MRPL2: variants seen among roughly 807,000 people sequenced by gnomAD.
MRPL2 encodes mitochondrial ribosomal protein L2, also known as large ribosomal subunit protein uL2m.
Under a neutral mutation model 34.6 loss-of-function variants are expected in MRPL2, and 27 were observed. The observed-to-expected ratio is 0.78, with a 90% CI of 0.58 to 1.08. The LOEUF is 1.08. MRPL2 is among the 50% of genes least tolerant of loss of function. The pLI is 0.00. For missense variants in MRPL2, 414 were observed against 419.3 expected (o/e 0.99, Z 0.11); for synonymous variants, 155 against 158.0 (o/e 0.98, Z 0.14).
Position 43,054,306 on chromosome 6 carries a change from C to T in MRPL2, c.886G>A (p.Val296Met), listed in dbSNP as rs777343016. The T allele has an allele frequency of 6.2e-7, 1 of 1,610,814 alleles. No individual in the cohort carries two copies. The highest frequency in any genetic ancestry group is 8.5e-7 in the Non-Finnish European group (1 of 1,178,804). The change falls in exon 7 of 7, where the codon GTG becomes ATG. Residue 296 changes from valine (V) to methionine (M), a missense_variant. Coordinates refer to ENST00000388752, the MANE Select transcript of MRPL2 (RefSeq NM_015950.5). ...IRPLPPMKSYVKLPSASAQS is the reference protein window; with the variant it reads ...IRPLPPMKSYMKLPSASAQS ...TGGGCAGAAGCAGAAGGCAGCTTCA[C>T]GTAACTCTTCATGGGGGGTAGTGGC...
intron 1 of MRPL2, among the ~76,000 whole-genome samples, chr6:43,058,483 C>G (rs144274241): frequency 2.0e-5 from 3 of 152,336 alleles, no homozygotes; most frequent in African/African-American, 7.2e-5. Context: ...CAATTCCCTT[C>G]TCCAGAGCTG....
In MRPL2 at chr6:43,055,303, G is replaced by A. The variant is rs574136585; in HGVS notation, c.705+242C>T. Reference sequence around the variant, plus strand: ...GAACCTGGGAGGTGGAGGTCACAGTGAGCCCAGATCGTGCCATTGCACTCC... The same window carrying A: ...GAACCTGGGAGGTGGAGGTCACAGTAAGCCCAGATCGTGCCATTGCACTCC... On this transcript the variant is annotated intron_variant, in intron 6 of 6. Transcript: ENST00000388752. 8.5e-5 allele frequency among the ~76,000 whole-genome samples: 13 copies of A among 152,074 alleles called. No individual in the cohort carries two copies. The East Asian group carries it at 2.5e-3, about 29-fold the overall frequency.
At chr6:43,056,060 C>A in intron 4 of MRPL2, 21 bp downstream of exon 4, 1 of 1,614,204 alleles carries the variant, frequency 6.2e-7, no homozygotes, top group Non-Finnish European at 8.5e-7. Context: ...CCAGCCCACA[C>A]ATCTGGTAGC....
At chr6:43,056,931 C>T (rs1764895246) in intron 2 of MRPL2, among the ~76,000 whole-genome samples, 2 of 152,178 alleles carry the variant, frequency 1.3e-5, no homozygotes, top group African/African-American at 4.8e-5. Flanking sequence ...CCTTGGCCTC[C>T]CAAAGTGCTG....
rs1487102516 is a variant in MRPL2, at chr6:43,059,374, A to G, written c.8T>C (p.Leu3Pro). The change falls in exon 1 of 7, where the codon CTG (leucine) becomes CCG (proline). Residue 3 changes from leucine to proline, a missense_variant. Transcript: ENST00000388752. MA[L>P]CALTRALRSL... The stretch of plus-strand genomic sequence containing the variant: ...GCGCAGAGCGCGGGTCAGTGCGCAC[A>G]GGGCCATCAGCACGACACCCTTACT... The G allele has an allele frequency of 6.5e-6, 10 of 1,549,670 alleles. No individual in the cohort carries two copies. Among genetic ancestry groups the G allele is most frequent in the Non-Finnish European group, 8.7e-6 (10 of 1,145,662 alleles).
chr6:43,057,731 G>A (rs984615740), intron 2 of MRPL2: 10 of 341,224 alleles, frequency 2.9e-5, no homozygotes, highest in Admixed American at 9.3e-5. Context: ...TGCCCGCCTC[G>A]GCCTCCCAAA....
chr6:43,058,608 C>T (rs947580135), intron 1 of MRPL2, among the ~76,000 whole-genome samples: 6 of 152,134 alleles, frequency 3.9e-5, no homozygotes, highest in Non-Finnish European at 8.8e-5. Flanking sequence ...ACTCTTGTTC[C>T]TTGATGTATT....
At position 43,054,302 on chromosome 6, in the gene MRPL2, T is replaced by C; in HGVS notation, c.890A>G (p.Lys297Arg). Residue 297 changes from lysine to arginine, a missense_variant, in exon 7 of 7, where the codon AAG becomes AGG. Physicochemically the swap from Lys to Arg is conservative, Grantham distance 26 (BLOSUM62 2). Transcript: ENST00000388752. The part of the protein sequence containing the change: ...RPLPPMKSYV[K>R]LPSASAQS The stretch of plus-strand genomic sequence containing the variant: ...GCTTTGGGCAGAAGCAGAAGGCAGC[T>C]TCACGTAACTCTTCATGGGGGGTAG... 6.2e-7 allele frequency: 1 copy of C among 1,610,304 alleles called. No individual in the cohort carries two copies. Among genetic ancestry groups the C allele is most frequent in the Non-Finnish European group, 8.5e-7 (1 of 1,178,338 alleles).
At position 43,055,969 on chromosome 6, in the gene MRPL2, G is replaced by T; in HGVS notation, c.559C>A (p.Leu187Met). ...TTGTTGATGAGGGTCCCCACAGGCA[G>T]AGCCCCAAGAGGATGCGCATCCCCT... ...REGDAHPLGA[L>M]PVGTLINNVE... Residue 187 changes from leucine to methionine, a missense_variant, in exon 5 of 7, where the codon CTG becomes ATG. Coordinates refer to ENST00000388752, the MANE Select transcript of MRPL2 (RefSeq NM_015950.5). The T allele has an allele frequency of 6.2e-7, 1 of 1,614,130 alleles. No homozygotes were observed. The highest frequency in any genetic ancestry group is 1.1e-5 in the South Asian group (1 of 91,088).
chr6:43,055,423 G>A, intron 6 of MRPL2, 122 bp downstream of exon 6: 2 of 887,448 alleles, frequency 2.3e-6, no homozygotes, highest in Non-Finnish European at 3.5e-6. Flanking sequence ...TGGCAGAAAA[G>A]GACAGCCTCA....
In MRPL2 at chr6:43,056,215, A is replaced by G; in HGVS notation, c.405-19T>C. 2 of 1,612,724 alleles carry G rather than the reference A, an allele frequency of 1.2e-6. No homozygotes were observed. Among genetic ancestry groups the G allele is most frequent in the Non-Finnish European group, 1.7e-6 (2 of 1,178,734 alleles). On this transcript the variant is annotated intron_variant, in intron 3 of 6. Transcript: ENST00000388752. Reference sequence around the variant, plus strand: ...TGCTGACCTAATCAGGGTGAGGGACAGGTAAGCAGACCGTCTAGGCAGCCC... The same window carrying G: ...TGCTGACCTAATCAGGGTGAGGGACGGGTAAGCAGACCGTCTAGGCAGCCC...
rs1764839576 is a variant in MRPL2 at position 43,055,622 on chromosome 6, G to C, written c.632-4C>G. On this transcript the variant is annotated splice_region_variant and splice_polypyrimidine_tract_variant and intron_variant, in intron 5 of 6. Transcript: ENST00000388752. ...CGCAGTAGCACACCACACGTCCCTG[G>C]GGAAAGAAGCTGATTTGCCACCCTC... 20 of 1,613,880 alleles carry C rather than the reference G, an allele frequency of 1.2e-5. No homozygotes were observed. Among genetic ancestry groups the C allele is most frequent in the Non-Finnish European group, 1.7e-5 (20 of 1,180,024 alleles).
In MRPL2 at chr6:43,058,182, A is replaced by G. The variant is rs976197950; in HGVS notation, c.148T>C (p.Cys50Arg). The change falls in exon 2 of 7, where the codon TGC (cysteine) becomes CGC (arginine). Residue 50 changes from cysteine (C) to arginine (R), a missense_variant. Coordinates refer to ENST00000388752, the MANE Select transcript of MRPL2 (RefSeq NM_015950.5). The stretch of plus-strand genomic sequence containing the variant: ...GCCACAGAAGTAAGAACTGGGCGGC[A>G]GGGGAGCAACATCAAGGCAGAGGGC... ...QQPSALMLLP[C>R]RPVLTSVALN... 3.7e-6 allele frequency: 6 copies of G among 1,614,090 alleles called. No individual in the cohort carries two copies. Among genetic ancestry groups the G allele is most frequent in the Non-Finnish European group, 4.2e-6 (5 of 1,180,032 alleles).
At chr6:43,057,215 C>T (rs1764901322) in intron 2 of MRPL2, among the ~76,000 whole-genome samples, 3 of 151,992 alleles carry the variant, frequency 2.0e-5, no homozygotes, top group Admixed American at 6.6e-5. Context: ...GAGTCTCGCT[C>T]TGTCACCTGG....
chr6:43,054,273 A>G lies in MRPL2; in HGVS notation c.*1T>C. On this transcript the variant is annotated 3_prime_UTR_variant, in exon 7 of 7. Coordinates refer to ENST00000388752, the MANE Select transcript of MRPL2 (RefSeq NM_015950.5). ...GGGCATTTTATTAGAGTACAGGGAT[A>G]TCAGCTTTGGGCAGAAGCAGAAGGC... The G allele has an allele frequency of 6.3e-7, 1 of 1,578,136 alleles. No individual in the cohort carries two copies. Among genetic ancestry groups the G allele is most frequent in the Non-Finnish European group, 8.6e-7 (1 of 1,157,736 alleles).
intron 1 of MRPL2, 110 bp downstream of exon 1, chr6:43,059,176 G>T: frequency 6.4e-7 from 1 of 1,550,496 alleles, no homozygotes; most frequent in Non-Finnish European, 8.7e-7. Flanking sequence ...CCAAGGTCAC[G>T]GACCTGCATG....
At chr6:43,058,863 C>G (rs1764978724) in intron 1 of MRPL2, among the ~76,000 whole-genome samples, 1 of 152,238 alleles carries the variant, frequency 6.6e-6, no homozygotes, top group Non-Finnish European at 1.5e-5. Context: ...TGGTTAAGAG[C>G]ACAGGCTCTG....
Position 43,056,377 on chromosome 6 carries a change from A to G in MRPL2, c.334T>C (p.Phe112Leu), listed in dbSNP as rs774404502. 1.8e-5 allele frequency: 29 copies of G among 1,614,118 alleles called. No individual in the cohort carries two copies. The highest frequency in any genetic ancestry group is 2.4e-5 in the Non-Finnish European group (28 of 1,180,062). Reference protein sequence around the residue: ...QRYRMIDFLRFRPEETKSGPF... With the variant: ...QRYRMIDFLRLRPEETKSGPF... Reference sequence around the variant, plus strand: ...CCTGACTTGGTCTCCTCAGGCCGGAAACGCAGAAAGTCAATCATTCGATAA... The same window carrying G: ...CCTGACTTGGTCTCCTCAGGCCGGAGACGCAGAAAGTCAATCATTCGATAA... The change falls in exon 3 of 7, where the codon TTC becomes CTC. Residue 112 changes from phenylalanine (F) to leucine (L), a missense_variant. By Grantham distance (22) the Phe-to-Leu change is conservative. Transcript: ENST00000388752.
chr6:43,059,388 G>C lies in MRPL2; in HGVS notation c.-7C>G, dbSNP rs557805246. 3.9e-6 allele frequency: 6 copies of C among 1,542,428 alleles called. No homozygotes were observed. Among genetic ancestry groups the C allele is most frequent in the Admixed American group, 4.0e-5 (2 of 50,420 alleles). On this transcript the variant is annotated 5_prime_UTR_variant, in exon 1 of 7. Coordinates refer to ENST00000388752, the MANE Select transcript of MRPL2 (RefSeq NM_015950.5). ...TCAGTGCGCACAGGGCCATCAGCAC[G>C]ACACCCTTACTTTTAGCCAAGCTGC...
Sources: gnomAD v4.1 joint callset for allele counts (sites outside exome capture counted in the v4.1 genomes callset) on GRCh38, gnomAD v4.1.1 for gene constraint, MANE v1.5 for transcripts, NCBI Gene and HGNC (gene_info 2026-07-23, HGNC 2026-07-21) for gene names.